CNBD1: variants seen among roughly 807,000 people sequenced by gnomAD.
CNBD1 encodes cyclic nucleotide binding domain containing 1.
CNBD1 carries 71 observed loss-of-function variants against 54.4 expected under a neutral mutation model. That is an observed-to-expected ratio of 1.30 (90% CI 1.08 to 1.59). The LOEUF is 1.59. CNBD1 is among the 40% of genes most tolerant of loss of function. CNBD1 has a pLI of 0.00. For missense variants in CNBD1, 659 were observed against 518.0 expected (o/e 1.27, Z -2.64); for synonymous variants, 182 against 170.7 (o/e 1.07, Z -0.51).
chr8:87,056,447 A>G (rs910847007), intron 4 of CNBD1, among the ~76,000 whole-genome samples: 3 of 152,236 alleles, frequency 2.0e-5, no homozygotes, highest in African/African-American at 7.2e-5. Flanking sequence ...TAAAAATATT[A>G]TCTTAGAAAT....
chr8:87,260,673 C>T (rs958000540), intron 6 of CNBD1, among the ~76,000 whole-genome samples: 1 of 152,074 alleles, frequency 6.6e-6, no homozygotes, highest in African/African-American at 2.4e-5. Context: ...CTTGAGCGGC[C>T]CTAGTGACCC....
intron 8 of CNBD1, among the ~76,000 whole-genome samples, chr8:87,297,968 A>T (rs1808911878): frequency 6.6e-6 from 1 of 151,548 alleles, no homozygotes; most frequent in South Asian, 2.1e-4. Context: ...CTATATATCT[A>T]TATCTATATT....
intron 5 of CNBD1, among the ~76,000 whole-genome samples, chr8:87,213,055 T>C (rs900108772): frequency 3.3e-5 from 5 of 152,130 alleles, no homozygotes; most frequent in African/African-American, 9.7e-5. Context: ...GCTGAATAGA[T>C]ACATTTTCAG....
At chr8:87,324,774 T>G (rs1336970230) in intron 8 of CNBD1, among the ~76,000 whole-genome samples, 1 of 144,490 alleles carries the variant, frequency 6.9e-6, no homozygotes, top group African/African-American at 2.6e-5. Context: ...CATTGATTTT[T>G]TGAAGGGTTT....
intron 4 of CNBD1, among the ~76,000 whole-genome samples, chr8:87,117,650 C>A (rs915881023): frequency 3.9e-5 from 6 of 152,080 alleles, no homozygotes; most frequent in Non-Finnish European, 7.4e-5. Context: ...GTTTTACTGG[C>A]AGAGTTAGAA....
At chr8:87,329,037 A>G (rs1027100719) in intron 8 of CNBD1, among the ~76,000 whole-genome samples, 2 of 140,182 alleles carry the variant, frequency 1.4e-5, no homozygotes. Context: ...CTTTTCTCCT[A>G]GGAGTTTTAT....
chr8:87,272,312 AT>A (rs1808384726), intron 6 of CNBD1, among the ~76,000 whole-genome samples: 1 of 152,054 alleles, frequency 6.6e-6, no homozygotes, highest in Non-Finnish European at 1.5e-5. Context: ...ATATAAATGT[AT>A]GAAATCATCA....
chr8:87,222,832 T>C (rs563498807), intron 5 of CNBD1, among the ~76,000 whole-genome samples: 1 of 152,292 alleles, frequency 6.6e-6, no homozygotes, highest in Admixed American at 6.5e-5. Flanking sequence ...AATAGAAGTA[T>C]AGTTAAGAGC....
intron 4 of CNBD1, among the ~76,000 whole-genome samples, chr8:87,201,426 G>C (rs930266404): frequency 1.3e-5 from 2 of 152,054 alleles, no homozygotes; most frequent in Non-Finnish European, 2.9e-5. Context: ...GAATGGAAAA[G>C]GAAACTAAAA....
chr8:87,096,274 G>T (rs1268620380), intron 4 of CNBD1, among the ~76,000 whole-genome samples: 3 of 151,602 alleles, frequency 2.0e-5, no homozygotes, highest in Admixed American at 2.0e-4. Context: ...CCCTATTTGT[G>T]GCTTATAGCC....
intron 2 of CNBD1, among the ~76,000 whole-genome samples, chr8:87,412,673 T>A (rs1056086937): frequency 1.3e-5 from 2 of 152,112 alleles, no homozygotes; most frequent in Non-Finnish European, 2.9e-5. Context: ...AATTGATAGA[T>A]GTTTATTTAG....
chr8:87,295,541 C>T (rs1270934945), intron 8 of CNBD1, among the ~76,000 whole-genome samples: 1 of 152,020 alleles, frequency 6.6e-6, no homozygotes, highest in African/African-American at 2.4e-5. Context: ...TAATGGAACA[C>T]TCATCTATTC....
At chr8:87,069,693 G>C (rs1810722369) in intron 4 of CNBD1, among the ~76,000 whole-genome samples, 1 of 152,064 alleles carries the variant, frequency 6.6e-6, no homozygotes, top group Non-Finnish European at 1.5e-5. Flanking sequence ...AAAAATGTTA[G>C]GAATCTACTG....
chr8:87,183,595 A>G (rs886733633), intron 4 of CNBD1, among the ~76,000 whole-genome samples: 1 of 152,024 alleles, frequency 6.6e-6, no homozygotes, highest in Non-Finnish European at 1.5e-5. Flanking sequence ...TCTAGAGGTA[A>G]GAAGACACTC....
At chr8:87,125,010 A>C (rs950336046) in intron 4 of CNBD1, among the ~76,000 whole-genome samples, 1 of 151,780 alleles carries the variant, frequency 6.6e-6, no homozygotes, top group Non-Finnish European at 1.5e-5. Flanking sequence ...CTAATAACAA[A>C]TTATCTGAAA....
chr8:87,266,696 C>T lies in CNBD1; in HGVS notation c.772-17982C>T, dbSNP rs145585279. On this transcript the variant is annotated intron_variant, in intron 6 of 10. Transcript: ENST00000518476. ...TGAACTTCCGACCTCAGGTGATCTGCCTACCTCGGTCTCCCAAAGTGCTGG... is the reference window on the plus strand; with the variant it reads ...TGAACTTCCGACCTCAGGTGATCTGTCTACCTCGGTCTCCCAAAGTGCTGG... Among the ~76,000 whole-genome samples the T allele has an allele frequency of 5.3e-5, 8 of 151,980 alleles. No homozygotes were observed. The East Asian group carries it at 1.2e-3, about 22-fold the overall frequency.
At chr8:87,043,769 C>G (rs1016283714) in intron 4 of CNBD1, among the ~76,000 whole-genome samples, 15 of 152,240 alleles carry the variant, frequency 9.9e-5, no homozygotes, top group Non-Finnish European at 1.5e-5. Flanking sequence ...TTAATGTTCT[C>G]AGGCTCCCTC....
chr8:86,952,657 A>G (rs1456709384), intron 4 of CNBD1, among the ~76,000 whole-genome samples: 1 of 152,062 alleles, frequency 6.6e-6, no homozygotes, highest in Non-Finnish European at 1.5e-5. Context: ...TTTATATATA[A>G]TAAAAATGTA....
At chr8:87,395,913 C>T (rs774391065) in intron 2 of CNBD1, among the ~76,000 whole-genome samples, 1 of 151,874 alleles carries the variant, frequency 6.6e-6, no homozygotes, top group Non-Finnish European at 1.5e-5. Flanking sequence ...CTCCTTCGCT[C>T]AGTACCTCTC....
Sources: allele counts gnomAD v4.1 joint callset (sites outside exome capture counted in the v4.1 genomes callset), GRCh38; gene constraint gnomAD v4.1.1; transcripts MANE v1.5; gene names NCBI Gene and HGNC (gene_info 2026-07-23, HGNC 2026-07-21).